The following CLSTN2 variants were observed in gnomAD, a reference collection of about 807,000 sequenced individuals.
The protein encoded by CLSTN2 is calsyntenin 2.
CLSTN2 carries 48 observed loss-of-function variants against 101.2 expected under a neutral mutation model. That is an observed-to-expected ratio of 0.47 (90% CI 0.38 to 0.60). The LOEUF (loss-of-function observed/expected upper bound fraction) is 0.60, where lower values mean the gene tolerates loss of function less well. Ranked by LOEUF, CLSTN2 falls within the 20% of genes least tolerant of loss-of-function variation. The probability of loss-of-function intolerance (pLI) is 0.00; values close to 1 mark genes in which losing one functional copy is unlikely to be tolerated. For missense variants in CLSTN2, 1,160 were observed against 1,238.2 expected, an observed-to-expected ratio of 0.94 and a Z score of 0.95; for synonymous variants, 481 against 463.6, an observed-to-expected ratio of 1.04 and a Z score of -0.48.
At chr3:140,348,619 A>G (rs1348734257) in intron 2 of CLSTN2, among the ~76,000 whole-genome samples, 1 of 152,180 alleles carries the variant, frequency 6.6e-6, no homozygotes, top group East Asian at 1.9e-4. Context: ...GGACTGAAAG[A>G]TTTTCCCCAA....
At chr3:140,266,518 G>T (rs1291564505) in intron 2 of CLSTN2, among the ~76,000 whole-genome samples, 1 of 152,144 alleles carries the variant, frequency 6.6e-6, no homozygotes, top group African/African-American at 2.4e-5. Flanking sequence ...TCAGCTACTG[G>T]AGAGCTATTC....
At chr3:140,444,484 T>A (rs1005021897) in intron 5 of CLSTN2, among the ~76,000 whole-genome samples, 1 of 151,436 alleles carries the variant, frequency 6.6e-6, no homozygotes, top group African/African-American at 2.4e-5. Flanking sequence ...TTCTTAGGCA[T>A]GGTTTTATCA....
At chr3:140,384,404 C>G (rs561825601) in intron 2 of CLSTN2, among the ~76,000 whole-genome samples, 4 of 152,166 alleles carry the variant, frequency 2.6e-5, no homozygotes, top group African/African-American at 9.7e-5. Flanking sequence ...TTCAAACTTC[C>G]CCTCCGAGTT....
chr3:140,061,080 C>T (rs1203299106), intron 1 of CLSTN2, among the ~76,000 whole-genome samples: 1 of 152,164 alleles, frequency 6.6e-6, no homozygotes, highest in Non-Finnish European at 1.5e-5. Flanking sequence ...AGCAAGATTC[C>T]TCGAGGCTTT....
intron 1 of CLSTN2, among the ~76,000 whole-genome samples, chr3:140,012,274 A>T (rs1311334174): frequency 6.6e-6 from 1 of 152,180 alleles, no homozygotes; most frequent in Non-Finnish European, 1.5e-5. Context: ...AGCTGTGTGT[A>T]TGAAAGAAAG....
intron 12 of CLSTN2, 33 bp from the exon 13 acceptor site, chr3:140,562,105 A>G: frequency 2.5e-6 from 4 of 1,604,908 alleles, no homozygotes; most frequent in Non-Finnish European, 2.6e-6. Context: ...GCTGTCCTTC[A>G]TGCCTGCATT....
intron 2 of CLSTN2, among the ~76,000 whole-genome samples, chr3:140,253,040 C>T (rs1289555598): frequency 6.6e-6 from 1 of 152,122 alleles, no homozygotes; most frequent in African/African-American, 2.4e-5. Flanking sequence ...GCATGTGTAC[C>T]TAAGAAGACT....
At chr3:140,443,760 T>C (rs2108005694) in intron 5 of CLSTN2, among the ~76,000 whole-genome samples, 1 of 152,334 alleles carries the variant, frequency 6.6e-6, no homozygotes, top group Middle Eastern at 3.4e-3. Context: ...GAGCCTTCAT[T>C]GGAAGGTCCC....
intron 8 of CLSTN2, among the ~76,000 whole-genome samples, chr3:140,505,390 C>T (rs142868030): frequency 6.6e-6 from 1 of 152,158 alleles, no homozygotes; most frequent in African/African-American, 2.4e-5. Context: ...GCCACTCCCC[C>T]ACAGAGCAAT....
At position 140,384,557 on chromosome 3, in the gene CLSTN2, CGCCTGGT is replaced by C. The variant is rs575217249; in HGVS notation, c.233-19069_233-19063del. Among the ~76,000 whole-genome samples the C allele has an allele frequency of 7.9e-3, 1,198 of 152,214 alleles. 8 individuals carry two copies. The highest frequency in any genetic ancestry group is 0.013 in the Non-Finnish European group (861 of 68,000). On this transcript the variant is annotated intron_variant, in intron 2 of 16. Transcript: ENST00000458420. Reference sequence around the variant, plus strand: ...GCCTTGATGAGAGGTGCCCAGGGGTCGCCTGGTGCATGTTTAAGAAAGTCCCTTCATT... The same window carrying C: ...GCCTTGATGAGAGGTGCCCAGGGGTCGCATGTTTAAGAAAGTCCCTTCATT...
At chr3:140,003,524 T>C (rs1186884486) in intron 1 of CLSTN2, among the ~76,000 whole-genome samples, 1 of 152,188 alleles carries the variant, frequency 6.6e-6, no homozygotes, top group Admixed American at 6.5e-5. Flanking sequence ...CCTTTATACC[T>C]TTCTCTTTTC....
chr3:140,053,016 C>G (rs2008027191), intron 1 of CLSTN2, among the ~76,000 whole-genome samples: 1 of 152,194 alleles, frequency 6.6e-6, no homozygotes, highest in South Asian at 2.1e-4. Context: ...AACCACGAGC[C>G]TGCAGGGGTG....
chr3:140,563,311 G>A (rs1344200788), intron 15 of CLSTN2, 108 bp downstream of exon 15: 2 of 1,298,306 alleles, frequency 1.5e-6, no homozygotes, highest in African/African-American at 1.5e-5. Context: ...GCCCAGAACT[G>A]AGGGAGGGAA....
At position 140,336,397 on chromosome 3, in the gene CLSTN2, GAGA is replaced by G. The variant is rs374534186; in HGVS notation, c.233-67229_233-67227del. ...AGAATTTCTGGAGCCCAGGGCAACA[GAGA>G]AGGAGATGAGGCTGGACTATGGTTA... On this transcript the variant is annotated intron_variant, in intron 2 of 16. Coordinates refer to ENST00000458420, the MANE Select transcript of CLSTN2 (RefSeq NM_022131.3). Among the ~76,000 whole-genome samples the G allele has an allele frequency of 1.8e-3, 268 of 152,330 alleles. 1 individual carries two copies. The highest frequency in any genetic ancestry group is 5.9e-3 in the African/African-American group (245 of 41,572).
intron 1 of CLSTN2, among the ~76,000 whole-genome samples, chr3:140,124,905 G>C (rs888865592): frequency 6.6e-6 from 1 of 152,186 alleles, no homozygotes; most frequent in African/African-American, 2.4e-5. Context: ...GTCCAGGGAA[G>C]GGGGAGCAAC....
chr3:140,425,305 G>C (rs989262871), intron 5 of CLSTN2, among the ~76,000 whole-genome samples: 1 of 152,196 alleles, frequency 6.6e-6, no homozygotes, highest in African/African-American at 2.4e-5. Context: ...ATGAGGACTT[G>C]CTCTCAGACT....
intron 2 of CLSTN2, among the ~76,000 whole-genome samples, chr3:140,180,163 G>A (rs187390623): frequency 7.3e-4 from 111 of 152,320 alleles, no homozygotes; most frequent in African/African-American, 2.4e-3. Context: ...ATAAATTTGC[G>A]TTTCCTATTC....
chr3:140,051,087 C>G (rs2007981581), intron 1 of CLSTN2, among the ~76,000 whole-genome samples: 1 of 152,234 alleles, frequency 6.6e-6, no homozygotes, highest in African/African-American at 2.4e-5. Flanking sequence ...CCCACTCCCT[C>G]TCCCCTGCCC....
At chr3:140,228,884 C>T (rs1379760096) in intron 2 of CLSTN2, among the ~76,000 whole-genome samples, 6 of 152,166 alleles carry the variant, frequency 3.9e-5, no homozygotes, top group Admixed American at 3.9e-4. Flanking sequence ...CCACTGGGTC[C>T]CTCCCACAAC....
Sources: allele counts gnomAD v4.1 joint callset (sites outside exome capture counted in the v4.1 genomes callset), GRCh38; gene constraint gnomAD v4.1.1; transcripts MANE v1.5; gene names NCBI Gene and HGNC (gene_info 2026-07-23, HGNC 2026-07-21).